USP34: variants seen among roughly 807,000 people sequenced by gnomAD.
The protein encoded by USP34 is ubiquitin carboxyl-terminal hydrolase 34.
Under a neutral mutation model 460.3 loss-of-function variants are expected in USP34, and 70 were observed. The observed-to-expected ratio is 0.15, with a 90% CI of 0.13 to 0.19. The LOEUF (loss-of-function observed/expected upper bound fraction) is 0.19, where lower values mean the gene tolerates loss of function less well. USP34 is among the 10% of genes least tolerant of loss of function. The pLI, the probability that USP34 is intolerant of heterozygous loss-of-function variation, is 1.00. For synonymous variants in USP34, 1,647 were observed against 1,405.3 expected, an observed-to-expected ratio of 1.17 and a Z score of -3.85; for missense variants, 3,985 against 4,236.2, an observed-to-expected ratio of 0.94 and a Z score of 1.65.
intron 1 of USP34, among the ~76,000 whole-genome samples, chr2:61,448,229 T>C (rs1030638861): frequency 3.9e-5 from 6 of 152,186 alleles, no homozygotes; most frequent in African/African-American, 1.2e-4. Flanking sequence ...ATCCCAGTAC[T>C]TTGGGCGGCC....
intron 1 of USP34, among the ~76,000 whole-genome samples, chr2:61,455,833 CTA>C (rs1695421334): frequency 6.6e-6 from 1 of 152,126 alleles, no homozygotes; most frequent in African/African-American, 2.4e-5. Context: ...CACAAAATCC[CTA>C]TGAGACATGT....
Position 61,380,419 on chromosome 2 carries a change from A to T in USP34, c.822-58T>A. The T allele has an allele frequency of 2.7e-6, 4 of 1,505,444 alleles. 1 individual carries two copies. Among genetic ancestry groups the T allele is most frequent in the Non-Finnish European group, 2.7e-6 (3 of 1,113,842 alleles). 93.3% of individuals were successfully genotyped at this position (1,505,444 alleles called of 1,614,324 possible). A position where few individuals can be genotyped will look rare whatever the true frequency, so the allele number is the denominator to read the frequency against. On this transcript the variant is annotated intron_variant, in intron 6 of 79. Transcript: ENST00000398571. ...AATTCATAAAGCATTTTTAAAGACC[A>T]CTCAGTAACTTAAAATGTACATTGT...
At chr2:61,232,661 C>G (rs903387932) in intron 57 of USP34, 129 bp from the exon 58 acceptor site, 2 of 755,172 alleles carry the variant, frequency 2.6e-6, no homozygotes, top group Non-Finnish European at 4.3e-6. Flanking sequence ...AAAAGTTTCT[C>G]TAATTGTCAT....
At chr2:61,193,795 C>A (rs62151047) in intron 75 of USP34, among the ~76,000 whole-genome samples, 3 of 152,140 alleles carry the variant, frequency 2.0e-5, no homozygotes, top group African/African-American at 7.2e-5. Context: ...CTGAGTTAGA[C>A]AAGGAGTCAG....
intron 1 of USP34, among the ~76,000 whole-genome samples, chr2:61,430,974 T>C (rs1160614706): frequency 1.3e-5 from 2 of 151,992 alleles, no homozygotes; most frequent in African/African-American, 4.8e-5. Context: ...GCCCCTGCAC[T>C]GAAGCCTGGG....
Position 61,295,207 on chromosome 2 carries a change from T to C in USP34, c.4338A>G (p.Ala1446=), listed in dbSNP as rs754468860. 1 of 1,612,208 alleles carries C rather than the reference T, an allele frequency of 6.2e-7. No homozygotes were observed. Among genetic ancestry groups the C allele is most frequent in the Non-Finnish European group, 8.5e-7 (1 of 1,179,406 alleles). The change falls in exon 31 of 80, where the codon GCA becomes GCG. Residue 1446 remains alanine, a synonymous_variant. Coordinates refer to ENST00000398571, the MANE Select transcript of USP34 (RefSeq NM_014709.4). ...KLLYALEIIE[A]LGKPNRRIRR... Reference sequence around the variant, plus strand: ...TTATTCTTCTATTAGGTTTTCCCAGTGCTTCAATAATTTCCAGAGCATACA... The same window carrying C: ...TTATTCTTCTATTAGGTTTTCCCAGCGCTTCAATAATTTCCAGAGCATACA...
At chr2:61,198,732 G>A (rs534471299) in intron 75 of USP34, among the ~76,000 whole-genome samples, 2 of 152,206 alleles carry the variant, frequency 1.3e-5, no homozygotes, top group South Asian at 4.1e-4. Context: ...AGCCGGGTGT[G>A]GTGGTGGGCA....
At chr2:61,265,287 T>G (rs1689015375) in intron 43 of USP34, 110 bp downstream of exon 43, 1 of 1,264,210 alleles carries the variant, frequency 7.9e-7, no homozygotes, top group Non-Finnish European at 1.1e-6. Context: ...AAATTTACTT[T>G]TATTCACAAA....
At chr2:61,220,177 A>AAAGG in intron 67 of USP34, 133 bp downstream of exon 67, 1 of 484,724 alleles carries the variant, frequency 2.1e-6, no homozygotes, top group Non-Finnish European at 3.1e-6. Context: ...AAAAAAAAAA[A>AAAGG]AAAAAGGAAA....
At chr2:61,449,254 TAAAAA>T (rs111308233) in intron 1 of USP34, among the ~76,000 whole-genome samples, 2 of 143,430 alleles carry the variant, frequency 1.4e-5, no homozygotes, top group African/African-American at 2.6e-5. Context: ...GACTCCCTCT[TAAAAA>T]AAAAAAAAAA....
intron 30 of USP34, among the ~76,000 whole-genome samples, chr2:61,295,912 T>C (rs1690012087): frequency 6.6e-6 from 1 of 152,240 alleles, no homozygotes; most frequent in Admixed American, 6.5e-5. Flanking sequence ...ATTCATCCTG[T>C]AGAGTTCTTT....
chr2:61,222,757 C>G, intron 64 of USP34, 94 bp from the exon 65 acceptor site: 1 of 1,164,290 alleles, frequency 8.6e-7, no homozygotes, highest in Non-Finnish European at 1.2e-6. Context: ...GATGCAGTGG[C>G]GAGATCACAG....
intron 69 of USP34, among the ~76,000 whole-genome samples, chr2:61,211,515 A>G (rs1371235859): frequency 2.0e-5 from 3 of 152,214 alleles, no homozygotes; most frequent in Non-Finnish European, 4.4e-5. Context: ...AAATTGCCAT[A>G]AACAAGACTA....
intron 2 of USP34, among the ~76,000 whole-genome samples, chr2:61,410,989 C>A (rs1290069276): frequency 6.6e-6 from 1 of 151,940 alleles, no homozygotes; most frequent in African/African-American, 2.4e-5. Context: ...AGGTTCCCAT[C>A]CTAAAAAAAA....
At chr2:61,431,207 T>C (rs1694666979) in intron 1 of USP34, among the ~76,000 whole-genome samples, 1 of 152,082 alleles carries the variant, frequency 6.6e-6, no homozygotes, top group South Asian at 2.1e-4. Flanking sequence ...GTTTTTGTTG[T>C]TCTTTGGAGC....
chr2:61,250,234 C>G (rs536556591), intron 48 of USP34: 7 of 171,790 alleles, frequency 4.1e-5, no homozygotes, highest in Non-Finnish European at 7.6e-5. Flanking sequence ...AAAAACAGCT[C>G]TCAGTCTGAG....
intron 47 of USP34, 145 bp from the exon 48 acceptor site, chr2:61,256,623 G>T: frequency 2.9e-6 from 2 of 678,386 alleles, no homozygotes; most frequent in South Asian, 2.5e-5. Flanking sequence ...GTAAAAAACT[G>T]TTTTTCCTCA....
intron 3 of USP34, 28 bp downstream of exon 3, chr2:61,405,680 T>G: frequency 6.7e-7 from 1 of 1,500,008 alleles, no homozygotes; most frequent in South Asian, 1.4e-5. Context: ...TGGTATTACT[T>G]AAAATTCACA....
rs185104454 is a variant in USP34 at position 61,202,635 on chromosome 2, T to C, written c.9508+505A>G. Among the ~76,000 whole-genome samples the C allele has an allele frequency of 1.3e-3, 201 of 152,296 alleles. 7 individuals are homozygous for C. The highest frequency in any genetic ancestry group is 0.012 in the Admixed American group (191 of 15,302). ...TTTCTCATCATCTCCGTTTTCAAGT[T>C]TCTCTTCTTCTCACTCACCTATTTT... On this transcript the variant is annotated intron_variant, in intron 75 of 79. Transcript: ENST00000398571.
Sources: allele counts gnomAD v4.1 joint callset (sites outside exome capture counted in the v4.1 genomes callset), GRCh38; gene constraint gnomAD v4.1.1; transcripts MANE v1.5; gene names NCBI Gene and HGNC (gene_info 2026-07-23, HGNC 2026-07-21).